GRIA1: variants seen among roughly 807,000 people sequenced by gnomAD.
GRIA1 encodes the protein glutamate ionotropic receptor AMPA type subunit 1.
GRIA1 carries 31 observed loss-of-function variants against 99.2 expected under a neutral mutation model. The observed-to-expected ratio is 0.31, with a 90% confidence interval of 0.23 to 0.42. The LOEUF (loss-of-function observed/expected upper bound fraction) is 0.42. Among genes scored for constraint, GRIA1 ranks in the 10% least tolerant of loss-of-function variants. GRIA1 has a pLI of 1.00. For missense variants in GRIA1, 782 were observed against 1,157.5 expected (o/e 0.68, Z 4.71); for synonymous variants, 438 against 432.4 (o/e 1.01, Z -0.16).
chr5:153,646,799 A>G (rs1477885970), intron 2 of GRIA1, 129 bp from the exon 3 acceptor site: 3 of 950,648 alleles, frequency 3.2e-6, no homozygotes, highest in African/African-American at 3.3e-5. Flanking sequence ...TTGGATGGGT[A>G]GATGGATAGA....
chr5:153,798,076 C>T (rs1765762845), intron 14 of GRIA1, among the ~76,000 whole-genome samples: 1 of 152,174 alleles, frequency 6.6e-6, no homozygotes. Flanking sequence ...GCTTGAATTC[C>T]TTACATGACC....
chr5:153,795,360 A>G (rs1315897064), intron 14 of GRIA1: 2 of 636,844 alleles, frequency 3.1e-6, no homozygotes, highest in Non-Finnish European at 5.7e-6. Flanking sequence ...TTAGAGTATC[A>G]CTTTGTCAGT....
At chr5:153,671,707 A>G (rs574082786) in intron 5 of GRIA1, among the ~76,000 whole-genome samples, 8 of 152,296 alleles carry the variant, frequency 5.3e-5, no homozygotes, top group Non-Finnish European at 1.0e-4. Flanking sequence ...TCTTGAGGAA[A>G]GTCTCTGGCT....
At chr5:153,805,567 A>T in intron 15 of GRIA1, among the ~76,000 whole-genome samples, 1 of 152,158 alleles carries the variant, frequency 6.6e-6, no homozygotes, top group East Asian at 1.9e-4. Context: ...TCATCCACCA[A>T]GCAGGAAAGC....
chr5:153,648,845 C>A (rs952398342), intron 3 of GRIA1, among the ~76,000 whole-genome samples: 4 of 151,864 alleles, frequency 2.6e-5, no homozygotes, highest in Non-Finnish European at 2.9e-5. Context: ...GACACCCCCC[C>A]CCAAGATGTT....
chr5:153,665,433 T>A (rs1162153084), intron 5 of GRIA1, among the ~76,000 whole-genome samples: 1 of 152,212 alleles, frequency 6.6e-6, no homozygotes, highest in East Asian at 1.9e-4. Flanking sequence ...ACAGCTACAA[T>A]ACCTTGTTTA....
intron 2 of GRIA1, among the ~76,000 whole-genome samples, chr5:153,592,975 C>A (rs1186155021): frequency 6.6e-6 from 1 of 152,158 alleles, no homozygotes; most frequent in Non-Finnish European, 1.5e-5. Flanking sequence ...TCTTCTAAAT[C>A]TGATTAACTG....
intron 5 of GRIA1, among the ~76,000 whole-genome samples, chr5:153,658,193 A>G (rs1284626870): frequency 6.6e-6 from 1 of 152,158 alleles, no homozygotes; most frequent in African/African-American, 2.4e-5. Context: ...CCTGCTGCTT[A>G]AGAATACACA....
rs1411281093 is a variant in GRIA1, at chr5:153,725,270, C to T, written c.1823+19203C>T. Among the ~76,000 whole-genome samples, 4 of 151,834 alleles carry T rather than the reference C, an allele frequency of 2.6e-5. No homozygotes were observed. The South Asian group carries it at 8.4e-4, about 32-fold the overall frequency. ...AAGCACTAAACATGGAAAGGAACAA[C>T]CAGTACCAGCCACTGCAAAATCATG... On this transcript the variant is annotated intron_variant, in intron 11 of 15. Transcript: ENST00000285900.
At chr5:153,662,278 T>A (rs997979618) in intron 5 of GRIA1, among the ~76,000 whole-genome samples, 1 of 152,220 alleles carries the variant, frequency 6.6e-6, no homozygotes, top group East Asian at 1.9e-4. Context: ...GTATGCCTGA[T>A]ACTGCACTGG....
chr5:153,634,041 G>C (rs1044735545), intron 2 of GRIA1, among the ~76,000 whole-genome samples: 1 of 152,172 alleles, frequency 6.6e-6, no homozygotes, highest in Non-Finnish European at 1.5e-5. Flanking sequence ...TAGGGACCGG[G>C]CACGGTGGCT....
intron 2 of GRIA1, among the ~76,000 whole-genome samples, chr5:153,515,525 A>C (rs1208873699): frequency 6.6e-6 from 1 of 152,192 alleles, no homozygotes; most frequent in Non-Finnish European, 1.5e-5. Flanking sequence ...AGACAGAAGG[A>C]ATAAGTTCTG....
intron 2 of GRIA1, among the ~76,000 whole-genome samples, chr5:153,609,555 CTTTTTTTTTTTTTTT>C (rs3036982): frequency 1.2e-5 from 1 of 84,346 alleles, no homozygotes; most frequent in Non-Finnish European, 2.1e-5. Context: ...AGACTCTTTT[CTTTTTTTTTTTTTTT>C]TTTTTTTTTT....
intron 1 of GRIA1, among the ~76,000 whole-genome samples, chr5:153,493,160 G>A (rs1315550642): frequency 1.3e-5 from 2 of 152,174 alleles, no homozygotes; most frequent in East Asian, 1.9e-4. Flanking sequence ...TACTAGAATA[G>A]AATGTTTGTA....
At chr5:153,716,123 A>G (rs1363775313) in intron 11 of GRIA1, among the ~76,000 whole-genome samples, 1 of 152,244 alleles carries the variant, frequency 6.6e-6, no homozygotes, top group Non-Finnish European at 1.5e-5. Flanking sequence ...TCTTTCTTTC[A>G]TGTGTTGTAC....
chr5:153,531,160 G>A (rs1366504980), intron 2 of GRIA1, among the ~76,000 whole-genome samples: 3 of 152,142 alleles, frequency 2.0e-5, no homozygotes, highest in Admixed American at 6.5e-5. Context: ...GGAACTTCAA[G>A]TACAAAAGTT....
At chr5:153,569,882 G>C (rs1761965248) in intron 2 of GRIA1, among the ~76,000 whole-genome samples, 1 of 152,188 alleles carries the variant, frequency 6.6e-6, no homozygotes, top group Admixed American at 6.5e-5. Flanking sequence ...CAGAGGCCCA[G>C]AAAAGTGATC....
At chr5:153,550,186 T>C (rs1357460389) in intron 2 of GRIA1, among the ~76,000 whole-genome samples, 1 of 151,996 alleles carries the variant, frequency 6.6e-6, no homozygotes, top group Non-Finnish European at 1.5e-5. Context: ...CAAATTATTC[T>C]ATGTCAGGTG....
At chr5:153,557,207 T>C (rs917661274) in intron 2 of GRIA1, among the ~76,000 whole-genome samples, 4 of 151,944 alleles carry the variant, frequency 2.6e-5, no homozygotes, top group South Asian at 4.2e-4. Context: ...TGCACTACTA[T>C]AGAGTTTATA....
Sources: gnomAD v4.1 joint callset for allele counts (sites outside exome capture counted in the v4.1 genomes callset) on GRCh38, gnomAD v4.1.1 for gene constraint, MANE v1.5 for transcripts, NCBI Gene and HGNC (gene_info 2026-07-23, HGNC 2026-07-21) for gene names.